STK11: variants seen among roughly 807,000 people sequenced by gnomAD.
The protein encoded by STK11 is serine/threonine kinase 11.
A neutral mutation model predicts 47.3 loss-of-function variants in STK11; 8 were observed. The observed-to-expected ratio is 0.17, with a 90% CI of 0.10 to 0.31. The LOEUF is 0.31. STK11 is among the 10% of genes least tolerant of loss of function. STK11 has a pLI of 1.00. For synonymous variants in STK11, 330 were observed against 255.8 expected (o/e 1.29, Z -2.77); for missense variants, 475 against 605.0 (o/e 0.79, Z 2.25).
chr19:1,227,764 T>A lies in STK11; in HGVS notation c.*188T>A. On this transcript the variant is annotated 3_prime_UTR_variant, in exon 10 of 10. Transcript: ENST00000326873. ...GGACAGCAGGGACCGGGCGCAGCCCTCCCCCCTCGGCCGCCCGGCAGTGCA... is the reference window on the plus strand; with the variant it reads ...GGACAGCAGGGACCGGGCGCAGCCCACCCCCCTCGGCCGCCCGGCAGTGCA... The A allele has an allele frequency of 2.8e-6, 3 of 1,073,252 alleles. No individual in the cohort carries two copies. In the African/African-American group the frequency reaches 4.9e-5, roughly 18 times the overall value. The allele number at this position is 1,073,252 out of a possible 1,614,324, so 66.5% of individuals were successfully genotyped here.
At chr19:1,220,264 C>G in intron 3 of STK11, 109 bp from the exon 4 acceptor site, 1 of 1,426,542 alleles carries the variant, frequency 7.0e-7, no homozygotes, top group Non-Finnish European at 9.4e-7. Flanking sequence ...ACTTCTGTGA[C>G]TTCCCAGCTG....
chr19:1,224,732 A>G (rs2080808956), intron 8 of STK11: 2 of 985,662 alleles, frequency 2.0e-6, no homozygotes, highest in Non-Finnish European at 2.4e-6. Flanking sequence ...CACCTTTTTC[A>G]TGACCCTGCT....
At chr19:1,221,365 C>A (rs1270158238) in intron 6 of STK11, 25 bp downstream of exon 6, 4 of 1,590,774 alleles carry the variant, frequency 2.5e-6, no homozygotes, top group Non-Finnish European at 3.4e-6. Flanking sequence ...CCTCTGCCCG[C>A]AGCCCCAGGG....
At chr19:1,225,074 A>G in intron 8 of STK11, 2 of 985,994 alleles carry the variant, frequency 2.0e-6, no homozygotes, top group South Asian at 9.4e-5. Flanking sequence ...CAACACCCAG[A>G]TCCCAGGGAA....
chr19:1,214,777 G>T (rs931405833), intron 1 of STK11, among the ~76,000 whole-genome samples: 1 of 152,182 alleles, frequency 6.6e-6, no homozygotes, highest in African/African-American at 2.4e-5. Flanking sequence ...AGCGGTGCTG[G>T]ACCTGAAGGC....
At chr19:1,214,465 G>A (rs1200085065) in intron 1 of STK11, among the ~76,000 whole-genome samples, 1 of 152,222 alleles carries the variant, frequency 6.6e-6, no homozygotes, top group Non-Finnish European at 1.5e-5. Context: ...GGTGGAGGCA[G>A]GGCAGGGCGC....
At chr19:1,220,795 G>A in intron 5 of STK11, 78 bp downstream of exon 5, 1 of 1,530,608 alleles carries the variant, frequency 6.5e-7, no homozygotes, top group Non-Finnish European at 8.8e-7. Context: ...CTGCCGGCCT[G>A]TGGGCGCAGG....
In STK11 at chr19:1,207,020, A is replaced by G. The variant is rs1555734937; in HGVS notation, c.107A>G (p.Tyr36Cys). ...IHRIDSTEVI[Y>C]QPRRKRAKLI... ...CGCATCGACTCCACCGAGGTCATCT[A>G]CCAGCCGCGCCGCAAGCGGGCCAAG... is the stretch of plus-strand genomic sequence containing the variant. The change falls in exon 1 of 10, where the codon TAC becomes TGC. Residue 36 changes from tyrosine (Y) to cysteine (C), a missense_variant. This residue lies in a region of STK11 where 47 missense variants were observed against 103.7 expected (regional missense o/e 0.45). Coordinates refer to ENST00000326873, the MANE Select transcript of STK11 (RefSeq NM_000455.5). 6.2e-7 allele frequency: 1 copy of G among 1,613,652 alleles called. No individual in the cohort carries two copies. The highest frequency in any genetic ancestry group is 8.5e-7 in the Non-Finnish European group (1 of 1,179,824).
intron 7 of STK11, 97 bp downstream of exon 7, chr19:1,222,103 T>G (rs559501751): frequency 7.0e-7 from 1 of 1,425,312 alleles, no homozygotes; most frequent in African/African-American, 1.4e-5. Flanking sequence ...GTGGTGGGGG[T>G]GCCAGGCTGG....
In STK11 at chr19:1,215,897, C is replaced by T. The variant is rs141469010; in HGVS notation, c.291-2520C>T. On this transcript the variant is annotated intron_variant, in intron 1 of 9. Transcript: ENST00000326873. The stretch of plus-strand genomic sequence containing the variant: ...GATTACAGGCGCCCATCACCACGCC[C>T]GGCTAATTTTTGTATTTTTAGTAGA... Among the ~76,000 whole-genome samples, 479 of 152,098 alleles carry T rather than the reference C, an allele frequency of 3.1e-3. 1 individual carries two copies. Among genetic ancestry groups the T allele is most frequent in the East Asian group, 0.027 (139 of 5,172 alleles).
chr19:1,220,274 G>T (rs1380722838), intron 3 of STK11, 99 bp from the exon 4 acceptor site: 10 of 1,453,166 alleles, frequency 6.9e-6, no homozygotes, highest in Non-Finnish European at 8.4e-6. Context: ...CTTCCCAGCT[G>T]GGCCTGTGGT....
chr19:1,222,595 C>T (rs2080792686), intron 7 of STK11, among the ~76,000 whole-genome samples: 1 of 152,204 alleles, frequency 6.6e-6, no homozygotes, highest in Admixed American at 6.5e-5. Flanking sequence ...TTGGGGGTCT[C>T]TGCACAGCTC....
chr19:1,222,626 G>A (rs1019602840), intron 7 of STK11, among the ~76,000 whole-genome samples: 5 of 150,744 alleles, frequency 3.3e-5, no homozygotes, highest in Admixed American at 6.6e-5. Flanking sequence ...GGCGCCTGGC[G>A]GGGACTGGGG....
rs886054208 is a variant in STK11 at position 1,206,394 on chromosome 19, C to T, written c.-520C>T. 5.1e-5 allele frequency: 12 copies of T among 233,072 alleles called. No homozygotes were observed. In the South Asian group the frequency reaches 5.4e-4, roughly 11 times the overall value. 14.4% of individuals were successfully genotyped at this position (233,072 alleles called of 1,614,324 possible). A position where few individuals can be genotyped will look rare whatever the true frequency, so the allele number is the denominator to read the frequency against. On this transcript the variant is annotated 5_prime_UTR_variant, in exon 1 of 10. Coordinates refer to ENST00000326873, the MANE Select transcript of STK11 (RefSeq NM_000455.5). ...ACAGGCGGTGGGACCGGGGCGTCGC[C>T]GGAGACGCCCCCAGCGAAGTTGGGC...
intron 1 of STK11, 141 bp downstream of exon 1, chr19:1,207,344 C>T (rs984352448): frequency 1.5e-5 from 18 of 1,205,558 alleles, no homozygotes; most frequent in Non-Finnish European, 1.7e-5. Flanking sequence ...CTGTGTCCTC[C>T]GTGCCAGGGA....
At chr19:1,222,163 G>A (rs1599928527) in intron 7 of STK11, among the ~76,000 whole-genome samples, 157 bp downstream of exon 7, 2 of 152,316 alleles carry the variant, frequency 1.3e-5, no homozygotes, top group East Asian at 3.9e-4. Flanking sequence ...GCCCGAGTGG[G>A]GTCTCTGGGC....
intron 1 of STK11, among the ~76,000 whole-genome samples, chr19:1,208,393 C>T (rs1372317230): frequency 6.6e-5 from 10 of 150,990 alleles, no homozygotes; most frequent in African/African-American, 2.4e-4. Flanking sequence ...CTGCAAGCTC[C>T]GCCTCCCGGG....
At chr19:1,225,472 T>C (rs2080814350) in intron 8 of STK11, 2 of 872,994 alleles carry the variant, frequency 2.3e-6, no homozygotes, top group Non-Finnish European at 2.7e-6. Context: ...GGTTTCACCA[T>C]GTTGGTCAGG....
At chr19:1,208,998 C>G (rs1021118725) in intron 1 of STK11, among the ~76,000 whole-genome samples, 4 of 152,244 alleles carry the variant, frequency 2.6e-5, no homozygotes, top group African/African-American at 7.2e-5. Flanking sequence ...TACTCTGGAG[C>G]TGGAGCAGTC....
Sources: allele counts gnomAD v4.1 joint callset (sites outside exome capture counted in the v4.1 genomes callset), GRCh38; gene constraint gnomAD v4.1.1; regional missense constraint gnomAD v4.1.1; transcripts MANE v1.5; gene names NCBI Gene and HGNC (gene_info 2026-07-23, HGNC 2026-07-21).